AFM: variants seen among roughly 807,000 people sequenced by gnomAD.
The protein encoded by AFM is alpha-Alb.
A neutral mutation model predicts 68.7 loss-of-function variants in AFM; 82 were observed. The observed-to-expected ratio is 1.19, with a 90% CI of 1.00 to 1.43. The LOEUF is 1.43. Ranked by LOEUF, AFM falls within the 40% of genes most tolerant of loss-of-function variation. AFM has a pLI of 0.00. For missense variants in AFM, 772 were observed against 701.8 expected (o/e 1.10, Z -1.13); for synonymous variants, 250 against 234.2 (o/e 1.07, Z -0.61).
At position 73,503,085 on chromosome 4, in the gene AFM, G is replaced by A. The variant is rs1199360317; in HGVS notation, c.*15G>A. On this transcript the variant is annotated 3_prime_UTR_variant, in exon 14 of 15. Coordinates refer to ENST00000226355, the MANE Select transcript of AFM (RefSeq NM_001133.2). ...TTGGCAACTGAAGCCAGCTGCTGGA[G>A]ATATGTAAAGAAAAAAGCACCAAAG... 6.2e-7 allele frequency: 1 copy of A among 1,612,656 alleles called. No individual in the cohort carries two copies. The highest frequency in any genetic ancestry group is 1.1e-5 in the South Asian group (1 of 91,028).
At position 73,487,734 on chromosome 4, in the gene AFM, T is replaced by G. The variant is rs1264591068; in HGVS notation, c.626T>G (p.Val209Gly). ...CTCTTTCTTCTTCAGGCAATACCTG[T>G]CACACAATATTTAAAAGCATTTTCT... ...VNCLQTRAIP[V>G]TQYLKAFSSY... The change falls in exon 6 of 15, where the codon GTC becomes GGC. Residue 209 changes from valine (V) to glycine (G), a missense_variant. Coordinates refer to ENST00000226355, the MANE Select transcript of AFM (RefSeq NM_001133.2). 4 of 1,610,382 alleles carry G rather than the reference T, an allele frequency of 2.5e-6. No homozygotes were observed.
intron 9 of AFM, among the ~76,000 whole-genome samples, chr4:73,495,701 C>A (rs1721235786): frequency 6.6e-6 from 1 of 152,062 alleles, no homozygotes; most frequent in Non-Finnish European, 1.5e-5. Context: ...TTTATGTATT[C>A]TGTATTTTAT....
intron 7 of AFM, among the ~76,000 whole-genome samples, 156 bp downstream of exon 7, chr4:73,488,915 T>C (rs13107306): frequency 0.22 from 33,564 of 152,194 alleles, 4,182 homozygotes; most frequent in Admixed American, 0.33. Flanking sequence ...TAAACATTTT[T>C]ATAAATAAAC....
intron 12 of AFM, among the ~76,000 whole-genome samples, chr4:73,501,083 G>A (rs1002316618): frequency 2.0e-5 from 3 of 151,986 alleles, no homozygotes; most frequent in African/African-American, 7.2e-5. Flanking sequence ...ACTCTAAAAT[G>A]TACTTTTAAG....
rs1720893341 is a variant in AFM at position 73,486,034 on chromosome 4, G to A, written c.443G>A (p.Cys148Tyr). The change falls in exon 4 of 15, where the codon TGC (cysteine) becomes TAC (tyrosine). Residue 148 changes from cysteine (C) to tyrosine (Y), a missense_variant. Physicochemically the swap from Cys to Tyr is radical, Grantham distance 194. Transcript: ENST00000226355. The stretch of plus-strand genomic sequence containing the variant: ...CCTACCCTGGATCCCGAAGAGAAAT[G>A]CCAGGCTTATGAAAGTAACAGAGAA... ...PFPTLDPEEK[C>Y]QAYESNRESL... 1 of 1,614,012 alleles carries A rather than the reference G, an allele frequency of 6.2e-7. No individual in the cohort carries two copies. The highest frequency in any genetic ancestry group is 8.5e-7 in the Non-Finnish European group (1 of 1,179,936).
chr4:73,486,871 C>G, intron 4 of AFM, 96 bp from the exon 5 acceptor site: 279 of 1,115,172 alleles, frequency 2.5e-4, no homozygotes, highest in Non-Finnish European at 3.3e-4. Flanking sequence ...TCCCATCTTA[C>G]CCTCCCTTCC....
chr4:73,486,745 A>G (rs755258076), intron 4 of AFM, among the ~76,000 whole-genome samples: 4 of 152,198 alleles, frequency 2.6e-5, no homozygotes, highest in Non-Finnish European at 4.4e-5. Context: ...AAGGACTCTT[A>G]TCGGGAACTG....
intron 13 of AFM, 106 bp downstream of exon 13, chr4:73,502,025 C>A: frequency 7.8e-7 from 1 of 1,279,198 alleles, no homozygotes; most frequent in Non-Finnish European, 1.1e-6. Flanking sequence ...TCTACCAGGA[C>A]TACATTTGAG....
At chr4:73,496,367 T>C (rs1721256135) in intron 9 of AFM, among the ~76,000 whole-genome samples, 1 of 152,234 alleles carries the variant, frequency 6.6e-6, no homozygotes. Context: ...AGGGTGTTTT[T>C]CACTTTGTAA....
At position 73,484,290 on chromosome 4, in the gene AFM, A is replaced by G. The variant is rs1720800412; in HGVS notation, c.170A>G (p.Glu57Gly). 1.2e-6 allele frequency: 2 copies of G among 1,613,488 alleles called. No individual in the cohort carries two copies. ...TIIAFAQYVQ[E>G]ATFEEMEKLV... ...ATTGCATTTGCTCAGTATGTTCAGG[A>G]AGCAACCTTTGAAGAAATGGAAAAG... The change falls in exon 3 of 15, where the codon GAA (glutamate) becomes GGA (glycine). Residue 57 changes from glutamate to glycine, a missense_variant. Physicochemically the swap from Glu to Gly is moderately conservative, Grantham distance 98. Transcript: ENST00000226355.
Position 73,486,975 on chromosome 4 carries a change from A to AT in AFM, c.492dup (p.Glu165Ter). 6.2e-7 allele frequency: 1 copy of AT among 1,610,766 alleles called. No homozygotes were observed. Among genetic ancestry groups the AT allele is most frequent in the Non-Finnish European group, 8.5e-7 (1 of 1,178,816 alleles). On this transcript the variant is annotated frameshift_variant, in exon 5 of 15. Coordinates refer to ENST00000226355, the MANE Select transcript of AFM (RefSeq NM_001133.2). LOFTEE classifies it high-confidence loss of function. ...ATTTTTATTTTTTATAGCTTTTTAT[A>AT]TGAAGTTGCCAGAAGGAACCCATTT... is the stretch of plus-strand genomic sequence containing the variant.
At chr4:73,487,942 G>C (rs1286486931) in intron 6 of AFM, 121 bp downstream of exon 6, 2 of 660,266 alleles carry the variant, frequency 3.0e-6, no homozygotes, top group Non-Finnish European at 5.2e-6. Flanking sequence ...TTTGGGGTGA[G>C]TCTGAGCCTA....
At chr4:73,483,299 C>A (rs1720765931) in intron 1 of AFM, among the ~76,000 whole-genome samples, 1 of 152,160 alleles carries the variant, frequency 6.6e-6, no homozygotes, top group Admixed American at 6.5e-5. Context: ...GCACGAGTAA[C>A]TTCTATTAGA....
chr4:73,497,766 A>G lies in AFM; in HGVS notation c.1289+17A>G, dbSNP rs543795461. 6 of 1,492,790 alleles carry G rather than the reference A, an allele frequency of 4.0e-6. No individual in the cohort carries two copies. The South Asian group carries it at 5.8e-5, about 15-fold the overall frequency. 92.5% of individuals were successfully genotyped at this position (1,492,790 alleles called of 1,614,324 possible). A position where few individuals can be genotyped will look rare whatever the true frequency, so the allele number is the denominator to read the frequency against. On this transcript the variant is annotated intron_variant, in intron 10 of 14. Coordinates refer to ENST00000226355, the MANE Select transcript of AFM (RefSeq NM_001133.2). ...GAAATACCAGTATGTTGTTTGCACA[A>G]GTGGGCTAACACTTGCCACTAGAAT...
intron 3 of AFM, among the ~76,000 whole-genome samples, chr4:73,485,600 G>GAGGAAT (rs1311929751): frequency 2.7e-5 from 4 of 147,560 alleles, no homozygotes; most frequent in African/African-American, 1.0e-4. Flanking sequence ...AGAAGAGGAA[G>GAGGAAT]AGGAAGAGGA....
intron 7 of AFM, among the ~76,000 whole-genome samples, chr4:73,491,509 G>A (rs1441759837): frequency 6.6e-6 from 1 of 151,990 alleles, no homozygotes; most frequent in Non-Finnish European, 1.5e-5. Context: ...ACATGTCTTT[G>A]GTGGCCTCCA....
intron 7 of AFM, among the ~76,000 whole-genome samples, chr4:73,491,505 C>G (rs1376118523): frequency 6.6e-6 from 1 of 152,104 alleles, no homozygotes; most frequent in East Asian, 1.9e-4. Flanking sequence ...AGTAACATGT[C>G]TTTGGTGGCC....
intron 4 of AFM, among the ~76,000 whole-genome samples, chr4:73,486,652 A>G (rs1720909493): frequency 1.3e-5 from 2 of 152,204 alleles, no homozygotes; most frequent in Admixed American, 6.5e-5. Context: ...TGGAAGGACA[A>G]TAGCCACAGT....
rs766503312 is a variant in AFM at position 73,487,068 on chromosome 4, A to T, written c.584A>T (p.Glu195Val). 1.9e-6 allele frequency: 3 copies of T among 1,613,936 alleles called. No homozygotes were observed. In the African/African-American group the frequency reaches 4.0e-5, roughly 22 times the overall value. ...FEEVAKSCCE[E>V]QNKVNCLQTR... ...GAGGTGGCCAAATCATGTTGTGAAGAACAAAACAAAGTCAACTGCCTTCAA... is the reference window on the plus strand; with the variant it reads ...GAGGTGGCCAAATCATGTTGTGAAGTACAAAACAAAGTCAACTGCCTTCAA... Residue 195 changes from glutamate (E) to valine (V), a missense_variant, in exon 5 of 15, where the codon GAA becomes GTA. Transcript: ENST00000226355.
Sources: allele counts gnomAD v4.1 joint callset (sites outside exome capture counted in the v4.1 genomes callset), GRCh38; gene constraint gnomAD v4.1.1; transcripts MANE v1.5; gene names NCBI Gene and HGNC (gene_info 2026-07-23, HGNC 2026-07-21).